ANKS1B: variants seen among roughly 807,000 people sequenced by gnomAD.
ANKS1B encodes the protein ankyrin repeat and sterile alpha motif domain containing 1B.
In ANKS1B, 36 loss-of-function variants were observed where a neutral mutation model predicts 148.3. The ratio of observed to expected loss-of-function variants is 0.24; its 90% CI spans 0.19 to 0.32. ANKS1B has a LOEUF of 0.32. Ranked by LOEUF, ANKS1B falls within the 10% of genes least tolerant of loss-of-function variation. The pLI, the probability that ANKS1B is intolerant of heterozygous loss-of-function variation, is 1.00. For synonymous variants in ANKS1B, 542 were observed against 560.8 expected (o/e 0.97, Z 0.47); for missense variants, 1,157 against 1,542.6 (o/e 0.75, Z 4.19).
chr12:98,760,593 A>G (rs2098383433), intron 25 of ANKS1B, among the ~76,000 whole-genome samples: 1 of 152,208 alleles, frequency 6.6e-6, no homozygotes, highest in African/African-American at 2.4e-5. Flanking sequence ...AGGTGCTGTC[A>G]TGGCTCACCT....
chr12:99,028,360 A>G (rs1313929182), intron 17 of ANKS1B, among the ~76,000 whole-genome samples: 3 of 152,236 alleles, frequency 2.0e-5, no homozygotes, highest in Admixed American at 6.5e-5. Context: ...TGGGAAGACT[A>G]AGATGTTGCT....
chr12:99,460,007 T>C (rs2095923991), intron 10 of ANKS1B, among the ~76,000 whole-genome samples: 1 of 152,088 alleles, frequency 6.6e-6, no homozygotes, highest in Admixed American at 6.6e-5. Flanking sequence ...CTTCAAACTA[T>C]ACTATAAGGC....
At chr12:99,370,908 G>A (rs1430297504) in intron 12 of ANKS1B, among the ~76,000 whole-genome samples, 1 of 152,178 alleles carries the variant, frequency 6.6e-6, no homozygotes, top group African/African-American at 2.4e-5. Context: ...CTGAAGTTCA[G>A]ATGAGAGGAC....
intron 9 of ANKS1B, among the ~76,000 whole-genome samples, chr12:99,548,943 A>G (rs528257832): frequency 2.6e-5 from 4 of 151,978 alleles, no homozygotes; most frequent in Non-Finnish European, 5.9e-5. Flanking sequence ...AAAATAGATA[A>G]TTACAACTAT....
At chr12:98,785,454 A>T (rs535262919) in intron 22 of ANKS1B, among the ~76,000 whole-genome samples, 8 of 152,170 alleles carry the variant, frequency 5.3e-5, no homozygotes, top group Non-Finnish European at 1.2e-4. Context: ...TGGGCAACAG[A>T]GTGAGACTCC....
chr12:99,976,175 G>A (rs1310518158), intron 1 of ANKS1B, among the ~76,000 whole-genome samples: 3 of 152,108 alleles, frequency 2.0e-5, no homozygotes, highest in Non-Finnish European at 2.9e-5. Context: ...ATAAGGGAAC[G>A]AAAGACACAG....
At chr12:99,089,854 C>T (rs190461023) in intron 15 of ANKS1B, among the ~76,000 whole-genome samples, 17 of 152,304 alleles carry the variant, frequency 1.1e-4, no homozygotes, top group African/African-American at 4.1e-4. Flanking sequence ...ACCAATCACA[C>T]TGCATAAGGT....
chr12:99,920,364 C>T (rs891005919), intron 1 of ANKS1B, among the ~76,000 whole-genome samples: 1 of 151,918 alleles, frequency 6.6e-6, no homozygotes, highest in Admixed American at 6.6e-5. Context: ...CCATTCACGA[C>T]ATTCAAGACA....
intron 4 of ANKS1B, among the ~76,000 whole-genome samples, chr12:99,799,538 T>G (rs2066679685): frequency 6.6e-6 from 1 of 152,124 alleles, no homozygotes; most frequent in Non-Finnish European, 1.5e-5. Flanking sequence ...AGGAAACAAA[T>G]TTTCTTCCTC....
chr12:99,374,722 T>C (rs964911061), intron 12 of ANKS1B, among the ~76,000 whole-genome samples: 3 of 152,230 alleles, frequency 2.0e-5, no homozygotes, highest in Non-Finnish European at 4.4e-5. Context: ...CTTATGGTTA[T>C]CTTAAAAGAT....
intron 9 of ANKS1B, among the ~76,000 whole-genome samples, chr12:99,553,878 G>A (rs142609181): frequency 2.4e-4 from 37 of 152,272 alleles, no homozygotes; most frequent in Middle Eastern, 3.4e-3. Context: ...ATGTCTTTAC[G>A]TTAGCTTCAG....
chr12:99,775,692 T>C, intron 6 of ANKS1B, 31 bp from the exon 7 acceptor site: 1 of 1,212,698 alleles, frequency 8.2e-7, no homozygotes, highest in Non-Finnish European at 1.2e-6. Flanking sequence ...GATTACATAC[T>C]TGAATTCATT....
At chr12:98,985,467 G>T (rs1013637913) in intron 17 of ANKS1B, among the ~76,000 whole-genome samples, 1 of 151,466 alleles carries the variant, frequency 6.6e-6, no homozygotes, top group Admixed American at 6.6e-5. Context: ...TGCGTTTTTT[G>T]ATAAGTATTT....
intron 17 of ANKS1B, among the ~76,000 whole-genome samples, chr12:98,851,709 T>C (rs970235819): frequency 3.3e-5 from 5 of 152,102 alleles, no homozygotes; most frequent in South Asian, 2.1e-4. Context: ...GTTTCTGTTA[T>C]GTTGAAGTAG....
intron 1 of ANKS1B, among the ~76,000 whole-genome samples, chr12:99,884,084 G>T (rs2153741670): frequency 1.3e-5 from 2 of 152,006 alleles, no homozygotes; most frequent in Middle Eastern, 3.4e-3. Flanking sequence ...AGTAATTGCG[G>T]TTTTTGTGAT....
chr12:99,481,032 T>TA (rs980497502), intron 10 of ANKS1B, among the ~76,000 whole-genome samples: 60 of 151,348 alleles, frequency 4.0e-4, no homozygotes, highest in East Asian at 1.9e-4. Flanking sequence ...TGTCTTTTTT[T>TA]AAAAAAAAAT....
chr12:98,740,073 G>A (rs2097790511), downstream of ANKS1B, among the ~76,000 whole-genome samples: 1 of 152,164 alleles, frequency 6.6e-6, no homozygotes, highest in Admixed American at 6.5e-5. Flanking sequence ...AGAAGACTGG[G>A]AATGAGGGGA....
At chr12:99,894,464 A>G (rs2093298486) in intron 1 of ANKS1B, among the ~76,000 whole-genome samples, 1 of 147,794 alleles carries the variant, frequency 6.8e-6, no homozygotes, top group Admixed American at 6.9e-5. Context: ...AGCCATGGCC[A>G]TGCCACCGCA....
intron 9 of ANKS1B, among the ~76,000 whole-genome samples, chr12:99,652,113 A>C (rs376256538): frequency 1.3e-5 from 2 of 151,892 alleles, no homozygotes; most frequent in African/African-American, 4.8e-5. Flanking sequence ...ACACAAATAT[A>C]AATGCTAAAG....
Sources: gnomAD v4.1 joint callset for allele counts (sites outside exome capture counted in the v4.1 genomes callset) on GRCh38, gnomAD v4.1.1 for gene constraint, MANE v1.5 for transcripts, NCBI Gene and HGNC (gene_info 2026-07-23, HGNC 2026-07-21) for gene names.